RALGAPA1: variants seen among roughly 807,000 people sequenced by gnomAD.
RALGAPA1 encodes ral GTPase-activating protein subunit alpha-1.
Under a neutral mutation model 269.6 loss-of-function variants are expected in RALGAPA1, and 52 were observed. The ratio of observed to expected loss-of-function variants is 0.19; its 90% CI spans 0.15 to 0.24. The LOEUF (loss-of-function observed/expected upper bound fraction) is 0.24, where lower values mean the gene tolerates loss of function less well. Ranked by LOEUF, RALGAPA1 falls within the 10% of genes least tolerant of loss-of-function variation. The pLI is 1.00. For missense variants in RALGAPA1, 1,917 were observed against 3,013.9 expected (o/e 0.64, Z 8.52); for synonymous variants, 817 against 1,008.3 (o/e 0.81, Z 3.60).
rs2058170318 is a variant in RALGAPA1, at chr14:35,584,722, T to C, written c.7209+10912A>G. Among the ~76,000 whole-genome samples, 3 of 120,958 alleles carry C rather than the reference T, an allele frequency of 2.5e-5. No individual in the cohort carries two copies. In the South Asian group the frequency reaches 8.0e-4, roughly 32 times the overall value. The allele number at this position is 120,958 out of a possible 152,430, so 79.4% of individuals were successfully genotyped here. A position where few individuals can be genotyped will look rare whatever the true frequency, so the allele number is the denominator to read the frequency against. On this transcript the variant is annotated intron_variant, in intron 37 of 41. Coordinates refer to ENST00000680220, the MANE Select transcript of RALGAPA1 (RefSeq NM_001346249.2). ...GAAGGGAATCATATAAAATGCTCAA[T>C]TAAAACCAGAAAAGGCAGAAAAAGT...
chr14:35,683,787 A>G (rs2065672825), intron 21 of RALGAPA1, 22 bp downstream of exon 21: 2 of 1,545,038 alleles, frequency 1.3e-6, no homozygotes, highest in African/African-American at 1.4e-5. Context: ...TTTAAGAAAC[A>G]CATTCCCATG....
At chr14:35,635,778 G>T (rs1487822646) in intron 31 of RALGAPA1, among the ~76,000 whole-genome samples, 180 bp from the exon 32 acceptor site, 1 of 151,922 alleles carries the variant, frequency 6.6e-6, no homozygotes, top group Non-Finnish European at 1.5e-5. Context: ...CATTATTGTG[G>T]GTTTCTCTTT....
intron 26 of RALGAPA1, among the ~76,000 whole-genome samples, chr14:35,666,734 G>C (rs2063978226): frequency 6.6e-6 from 1 of 152,066 alleles, no homozygotes; most frequent in African/African-American, 2.4e-5. Context: ...ATACACAAAG[G>C]AGAAATTAGT....
chr14:35,798,634 C>A (rs1295737463), intron 1 of RALGAPA1, among the ~76,000 whole-genome samples: 1 of 152,128 alleles, frequency 6.6e-6, no homozygotes, highest in African/African-American at 2.4e-5. Context: ...CCATTACCAG[C>A]AGATCATCAT....
intron 12 of RALGAPA1, among the ~76,000 whole-genome samples, chr14:35,731,083 C>A (rs560425277): frequency 1.2e-4 from 19 of 152,334 alleles, no homozygotes; most frequent in African/African-American, 4.3e-4. Flanking sequence ...AACTCCACTA[C>A]CAGCCTGGAG....
chr14:35,688,706 G>A lies in RALGAPA1; in HGVS notation c.3705C>T (p.Pro1235=). Reference sequence around the variant, plus strand: ...TTCCTTCTTTTTGTAATATGGTGGTGGGAATCTCTGTGGATTCCTTCACTG... The same window carrying A: ...TTCCTTCTTTTTGTAATATGGTGGTAGGAATCTCTGTGGATTCCTTCACTG... ...SKTVKESTEI[P]TTILQKEGIA... Residue 1235 remains proline (P), a synonymous_variant, in exon 18 of 42, where the codon CCC becomes CCT. Coordinates refer to ENST00000680220, the MANE Select transcript of RALGAPA1 (RefSeq NM_001346249.2). 6.8e-7 allele frequency: 1 copy of A among 1,476,902 alleles called. No individual in the cohort carries two copies. The highest frequency in any genetic ancestry group is 8.9e-7 in the Non-Finnish European group (1 of 1,120,384). 91.5% of individuals were successfully genotyped at this position (1,476,902 alleles called of 1,614,324 possible). A position where few individuals can be genotyped will look rare whatever the true frequency, so the allele number is the denominator to read the frequency against.
chr14:35,772,847 A>G (rs2141524130), intron 3 of RALGAPA1, among the ~76,000 whole-genome samples: 1 of 152,308 alleles, frequency 6.6e-6, no homozygotes, highest in East Asian at 1.9e-4. Flanking sequence ...TATACTGCTC[A>G]AATGATGACA....
At chr14:35,614,429 A>C (rs1203140842) in intron 35 of RALGAPA1, among the ~76,000 whole-genome samples, 1 of 152,176 alleles carries the variant, frequency 6.6e-6, no homozygotes, top group East Asian at 1.9e-4. Flanking sequence ...TGAACTTTGA[A>C]ATCATCATGC....
chr14:35,685,416 A>G (rs2065834178), intron 19 of RALGAPA1, among the ~76,000 whole-genome samples: 2 of 152,164 alleles, frequency 1.3e-5, no homozygotes, highest in African/African-American at 4.8e-5. Flanking sequence ...AAATTAAAAC[A>G]GCAGAAAGAG....
rs371647199 is a variant in RALGAPA1 at position 35,634,771 on chromosome 14, G to C, written c.5812-14C>G. On this transcript the variant is annotated splice_polypyrimidine_tract_variant and intron_variant, in intron 32 of 41. Transcript: ENST00000680220. ...CCCATGTAAAACCTGAAAATACAGGGGGAAACACCCAGTTTTACTTAAAAA... is the reference window on the plus strand; with the variant it reads ...CCCATGTAAAACCTGAAAATACAGGCGGAAACACCCAGTTTTACTTAAAAA... The C allele has an allele frequency of 2.6e-6, 4 of 1,557,640 alleles. No individual in the cohort carries two copies. Among genetic ancestry groups the C allele is most frequent in the Non-Finnish European group, 3.5e-6 (4 of 1,155,460 alleles).
At position 35,752,347 on chromosome 14, in the gene RALGAPA1, A is replaced by G. The variant is rs189356138; in HGVS notation, c.664-185T>C. ...CTAATGTCAAACAAGTACATTATGT[A>G]TATGTTTAAAAAACCTTAGAAGTAT... is the stretch of plus-strand genomic sequence containing the variant. On this transcript the variant is annotated intron_variant, in intron 7 of 41. Transcript: ENST00000680220. Among the ~76,000 whole-genome samples, 343 of 152,346 alleles carry G rather than the reference A, an allele frequency of 2.3e-3. 1 individual carries two copies. Among genetic ancestry groups the G allele is most frequent in the African/African-American group, 7.4e-3 (308 of 41,578 alleles).
chr14:35,693,411 C>T (rs2066653118), intron 17 of RALGAPA1, among the ~76,000 whole-genome samples: 1 of 151,638 alleles, frequency 6.6e-6, no homozygotes, highest in Non-Finnish European at 1.5e-5. Context: ...GCCCTCAAAA[C>T]AATTTAATTA....
intron 1 of RALGAPA1, among the ~76,000 whole-genome samples, chr14:35,791,678 G>A (rs1254781110): frequency 1.3e-4 from 20 of 151,648 alleles, no homozygotes; most frequent in Admixed American, 1.3e-3. Context: ...AGGCTGAGGT[G>A]GGCGGATCAC....
intron 1 of RALGAPA1, among the ~76,000 whole-genome samples, chr14:35,795,918 T>G (rs1218869703): frequency 6.6e-6 from 1 of 151,682 alleles, no homozygotes; most frequent in African/African-American, 2.4e-5. Flanking sequence ...CAGGAGGTTG[T>G]GACAGACTGA....
intron 21 of RALGAPA1, 45 bp from the exon 22 acceptor site, chr14:35,678,147 T>C (rs779210740): frequency 6.4e-6 from 10 of 1,556,266 alleles, no homozygotes; most frequent in Non-Finnish European, 8.7e-6. Context: ...GTATTCAATA[T>C]CCTACCTAAG....
intron 17 of RALGAPA1, among the ~76,000 whole-genome samples, chr14:35,697,098 C>T (rs993543204): frequency 6.6e-6 from 1 of 152,198 alleles, no homozygotes; most frequent in African/African-American, 2.4e-5. Flanking sequence ...TCGCTCTACA[C>T]CTAACACCTG....
chr14:35,541,996 A>C, intron 41 of RALGAPA1: 1 of 1,242,348 alleles, frequency 8.0e-7, no homozygotes, highest in Non-Finnish European at 1.1e-6. Flanking sequence ...TCACAATGAC[A>C]ATGCTTTGTA....
At chr14:35,540,330 C>A (rs1282137045) in intron 41 of RALGAPA1, among the ~76,000 whole-genome samples, 1 of 152,066 alleles carries the variant, frequency 6.6e-6, no homozygotes, top group African/African-American at 2.4e-5. Flanking sequence ...CAAACTGACT[C>A]CCCCAAAATG....
At chr14:35,641,298 A>C (rs2062013605) in intron 31 of RALGAPA1, among the ~76,000 whole-genome samples, 1 of 152,236 alleles carries the variant, frequency 6.6e-6, no homozygotes, top group Non-Finnish European at 1.5e-5. Flanking sequence ...GGAAGACATC[A>C]AATTATCCTT....
Sources: allele counts gnomAD v4.1 joint callset (sites outside exome capture counted in the v4.1 genomes callset), GRCh38; gene constraint gnomAD v4.1.1; transcripts MANE v1.5; gene names NCBI Gene and HGNC (gene_info 2026-07-23, HGNC 2026-07-21).